Variants in LSM6 observed in about 807,000 individuals in gnomAD.
LSM6 encodes LSM6 homolog, U6 small nuclear RNA and mRNA degradation associated, also known as U6 snRNA-associated Sm-like protein LSm6.
In LSM6, 2 loss-of-function variants were observed where a neutral mutation model predicts 13.5. The ratio of observed to expected loss-of-function variants is 0.15; its 90% CI spans 0.06 to 0.47. The LOEUF (loss-of-function observed/expected upper bound fraction) is 0.47. LSM6 is among the 20% of genes least tolerant of loss of function. The pLI is 0.97. For synonymous variants in LSM6, 43 were observed against 34.9 expected, an observed-to-expected ratio of 1.23 and a Z score of -0.82; for missense variants, 58 against 96.4, an observed-to-expected ratio of 0.60 and a Z score of 1.67.
chr4:146,176,706 C>T (rs1445702031), intron 1 of LSM6: 2 of 151,888 alleles, frequency 1.3e-5, no homozygotes, highest in African/African-American at 2.4e-5. Context: ...TTTGATTGTC[C>T]TATCATTGTG....
intron 2 of LSM6, 21 bp downstream of exon 2, chr4:146,183,036 C>T (rs1425697358): frequency 1.3e-6 from 2 of 1,485,618 alleles, no homozygotes; most frequent in East Asian, 2.3e-5. Context: ...CATGTTTCAA[C>T]CTCACTGGTA....
rs1368204536 is a variant in LSM6 at position 146,191,412 on chromosome 4, C to T, written c.*1756C>T. 6.6e-6 allele frequency: 1 copy of T among 152,170 alleles called. No homozygotes were observed. Among genetic ancestry groups the T allele is most frequent in the Non-Finnish European group, 1.5e-5 (1 of 68,030 alleles). The allele number at this position is 152,170 out of a possible 1,614,324, so 9.4% of individuals were successfully genotyped here. ...TAAGTCTTTATTTTCCCCTTGCCAT[C>T]TCTCTAGTTTAATAGCTCTACAGTG... is the stretch of plus-strand genomic sequence containing the variant. On this transcript the variant is annotated 3_prime_UTR_variant, in exon 4 of 4. Transcript: ENST00000296581.
chr4:146,177,553 GC>G (rs1202607079), intron 1 of LSM6, among the ~76,000 whole-genome samples: 1 of 152,158 alleles, frequency 6.6e-6, no homozygotes, highest in Non-Finnish European at 1.5e-5. Flanking sequence ...TTAGAATGTA[GC>G]TTTTGGTTAT....
At chr4:146,176,392 C>T (rs1323184085) in intron 1 of LSM6, 1 of 152,280 alleles carries the variant, frequency 6.6e-6, no homozygotes, top group Non-Finnish European at 1.5e-5. Context: ...CCAAGGTTTT[C>T]TGTGCGTATG....
intron 1 of LSM6, among the ~76,000 whole-genome samples, chr4:146,176,920 AG>A (rs1328758552): frequency 2.0e-5 from 3 of 152,168 alleles, no homozygotes; most frequent in Non-Finnish European, 4.4e-5. Context: ...GGTCTGTTTT[AG>A]GCCTTCATAC....
intron 1 of LSM6, among the ~76,000 whole-genome samples, chr4:146,182,398 A>G (rs991181522): frequency 5.9e-5 from 9 of 152,240 alleles, no homozygotes; most frequent in Admixed American, 6.5e-5. Flanking sequence ...ATGTTCCATC[A>G]CATTTGGGAA....
intron 3 of LSM6, among the ~76,000 whole-genome samples, chr4:146,188,413 T>A (rs1730394625): frequency 6.8e-6 from 1 of 147,294 alleles, no homozygotes; most frequent in Non-Finnish European, 1.5e-5. Flanking sequence ...GGGGGCAGGG[T>A]TGGGGGGCGG....
chr4:146,189,786 G>T lies in LSM6; in HGVS notation c.*130G>T, dbSNP rs1730429902. 1 of 648,920 alleles carries T rather than the reference G, an allele frequency of 1.5e-6. No individual in the cohort carries two copies. Among genetic ancestry groups the T allele is most frequent in the African/African-American group, 1.9e-5 (1 of 54,030 alleles). The allele number at this position is 648,920 out of a possible 1,614,324, so 40.2% of individuals were successfully genotyped here. On this transcript the variant is annotated 3_prime_UTR_variant, in exon 4 of 4. Coordinates refer to ENST00000296581, the MANE Select transcript of LSM6 (RefSeq NM_007080.3). ...TTGGTGATTTTTCACTGACATGTGA[G>T]TAAGATAAATGTATACAATTGTGGA...
At chr4:146,183,874 T>C (rs566077531) in intron 2 of LSM6, among the ~76,000 whole-genome samples, 20 of 147,984 alleles carry the variant, frequency 1.4e-4, no homozygotes, top group South Asian at 4.3e-4. Flanking sequence ...AATTTTCTTT[T>C]TTTTTTTTTT....
intron 3 of LSM6, among the ~76,000 whole-genome samples, chr4:146,188,336 G>A: frequency 6.6e-6 from 1 of 151,996 alleles, no homozygotes; most frequent in African/African-American, 2.4e-5. Flanking sequence ...AGCAGTCACT[G>A]GCAGGTTGGG....
At chr4:146,179,922 C>T (rs1371660679) in intron 1 of LSM6, among the ~76,000 whole-genome samples, 2 of 152,216 alleles carry the variant, frequency 1.3e-5, no homozygotes, top group African/African-American at 4.8e-5. Flanking sequence ...GTAGAATCTC[C>T]AGCTGATCCT....
chr4:146,178,460 C>G (rs1045252802), intron 1 of LSM6, among the ~76,000 whole-genome samples: 1 of 152,140 alleles, frequency 6.6e-6, no homozygotes, highest in Non-Finnish European at 1.5e-5. Context: ...CCACTGTGTC[C>G]GAAGGGAGGA....
chr4:146,183,070 T>G, intron 2 of LSM6, 55 bp downstream of exon 2: 2 of 1,270,104 alleles, frequency 1.6e-6, no homozygotes, highest in Non-Finnish European at 2.3e-6. Context: ...AAATGTGACT[T>G]ACTGATATTT....
intron 2 of LSM6, among the ~76,000 whole-genome samples, chr4:146,183,838 C>T (rs1258202300): frequency 1.3e-5 from 2 of 149,940 alleles, no homozygotes; most frequent in Non-Finnish European, 3.0e-5. Context: ...TTTTGGTGCA[C>T]CCGTCACCTG....
intron 1 of LSM6, among the ~76,000 whole-genome samples, chr4:146,176,871 C>A (rs1044625334): frequency 6.6e-6 from 1 of 152,080 alleles, no homozygotes; most frequent in Non-Finnish European, 1.5e-5. Context: ...ACTAGATTCT[C>A]AGAAGTGAAA....
intron 1 of LSM6, among the ~76,000 whole-genome samples, chr4:146,177,323 C>T (rs1162667612): frequency 6.6e-6 from 1 of 152,156 alleles, no homozygotes; most frequent in Non-Finnish European, 1.5e-5. Context: ...GTTTACATCA[C>T]CTGGGTTATT....
chr4:146,178,026 C>T (rs767104791), intron 1 of LSM6, among the ~76,000 whole-genome samples: 3 of 152,216 alleles, frequency 2.0e-5, no homozygotes, highest in Non-Finnish European at 4.4e-5. Context: ...TCTTGAATGA[C>T]ACAAACAGTT....
intron 1 of LSM6, among the ~76,000 whole-genome samples, chr4:146,182,433 T>A (rs1730251568): frequency 6.6e-6 from 1 of 152,386 alleles, no homozygotes; most frequent in Admixed American, 6.5e-5. Context: ...TTTCTGTGCC[T>A]TTACTTTTCA....
chr4:146,180,664 C>T (rs1372932072), intron 1 of LSM6, among the ~76,000 whole-genome samples: 1 of 152,132 alleles, frequency 6.6e-6, no homozygotes, highest in Non-Finnish European at 1.5e-5. Flanking sequence ...TTAATATCTC[C>T]ATGAACTAGA....
Sources: allele counts gnomAD v4.1 joint callset (sites outside exome capture counted in the v4.1 genomes callset), GRCh38; gene constraint gnomAD v4.1.1; transcripts MANE v1.5; gene names NCBI Gene and HGNC (gene_info 2026-07-23, HGNC 2026-07-21).